Variants in ARHGAP44 observed in about 807,000 individuals in gnomAD.
The protein encoded by ARHGAP44 is rho GTPase-activating protein 44.
Under a neutral mutation model 106.8 loss-of-function variants are expected in ARHGAP44, and 43 were observed. The observed-to-expected ratio is 0.40, with a 90% CI of 0.32 to 0.52. The LOEUF (loss-of-function observed/expected upper bound fraction) is 0.52. Ranked by LOEUF, ARHGAP44 falls within the 20% of genes least tolerant of loss-of-function variation. ARHGAP44 has a pLI of 0.48. For synonymous variants in ARHGAP44, 439 were observed against 410.3 expected (o/e 1.07, Z -0.85); for missense variants, 866 against 1,050.5 (o/e 0.82, Z 2.43).
intron 5 of ARHGAP44, among the ~76,000 whole-genome samples, chr17:12,917,783 C>T (rs2037961722): frequency 6.6e-6 from 1 of 152,074 alleles, no homozygotes; most frequent in Non-Finnish European, 1.5e-5. Flanking sequence ...AGCACCAGTG[C>T]GATTCAGGAA....
intron 1 of ARHGAP44, among the ~76,000 whole-genome samples, chr17:12,869,043 G>T (rs1323780030): frequency 6.6e-6 from 1 of 152,084 alleles, no homozygotes; most frequent in African/African-American, 2.4e-5. Flanking sequence ...TAAGGGTTTG[G>T]TATAATAAAA....
rs1349841007 is a variant in ARHGAP44, at chr17:12,850,103, T to C, written c.54-44837T>C. ...TGACATATAAAGACTTGTCAAAGGA[T>C]AGCTCAAGTATACCTAGAAAATGAT... On this transcript the variant is annotated intron_variant, in intron 1 of 20. Coordinates refer to ENST00000379672, the MANE Select transcript of ARHGAP44 (RefSeq NM_014859.6). Among the ~76,000 whole-genome samples the C allele has an allele frequency of 2.6e-5, 4 of 152,322 alleles. 1 individual carries two copies. Among genetic ancestry groups the C allele is most frequent in the African/African-American group, 2.4e-5 (1 of 41,576 alleles).
At chr17:12,878,554 G>A (rs1299954540) in intron 1 of ARHGAP44, among the ~76,000 whole-genome samples, 1 of 148,908 alleles carries the variant, frequency 6.7e-6, no homozygotes, top group East Asian at 1.9e-4. Flanking sequence ...CCTTGATGAT[G>A]AATAATGATC....
At chr17:12,838,483 A>G (rs1354991197) in intron 1 of ARHGAP44, among the ~76,000 whole-genome samples, 1 of 152,090 alleles carries the variant, frequency 6.6e-6, no homozygotes, top group Non-Finnish European at 1.5e-5. Context: ...GATTTTCCAC[A>G]CTAGAAATCA....
chr17:12,817,782 C>T (rs902271947), intron 1 of ARHGAP44, among the ~76,000 whole-genome samples: 2 of 151,992 alleles, frequency 1.3e-5, no homozygotes, highest in African/African-American at 4.8e-5. Flanking sequence ...AATATACCAA[C>T]TCCTTGAAAA....
At chr17:12,858,657 A>G (rs942333928) in intron 1 of ARHGAP44, among the ~76,000 whole-genome samples, 9 of 152,222 alleles carry the variant, frequency 5.9e-5, no homozygotes, top group African/African-American at 2.2e-4. Context: ...CTAATCCCCC[A>G]GTATCTGTGG....
chr17:12,972,185 G>T (rs1180778761), intron 16 of ARHGAP44, among the ~76,000 whole-genome samples: 1 of 152,148 alleles, frequency 6.6e-6, no homozygotes, highest in African/African-American at 2.4e-5. Flanking sequence ...TGCTGGTTGG[G>T]AGTATATGTT....
chr17:12,805,814 G>A (rs1481647721), intron 1 of ARHGAP44, among the ~76,000 whole-genome samples: 3 of 152,214 alleles, frequency 2.0e-5, no homozygotes, highest in Non-Finnish European at 4.4e-5. Flanking sequence ...GCAGGACTAG[G>A]CAGAGGGAGT....
At chr17:12,858,002 C>T (rs1358708259) in intron 1 of ARHGAP44, among the ~76,000 whole-genome samples, 1 of 152,052 alleles carries the variant, frequency 6.6e-6, no homozygotes, top group Non-Finnish European at 1.5e-5. Context: ...CCCCTTACCA[C>T]TGATACTCTT....
intron 1 of ARHGAP44, among the ~76,000 whole-genome samples, chr17:12,826,212 T>C (rs1288840129): frequency 6.6e-6 from 1 of 152,222 alleles, no homozygotes. Flanking sequence ...GTATTTTTCT[T>C]GATCCTCTCC....
intron 1 of ARHGAP44, among the ~76,000 whole-genome samples, chr17:12,892,541 T>A (rs1228868198): frequency 2.6e-5 from 4 of 152,144 alleles, no homozygotes; most frequent in Non-Finnish European, 4.4e-5. Flanking sequence ...TATCTTTTTT[T>A]AACTTTTTTA....
intron 1 of ARHGAP44, among the ~76,000 whole-genome samples, chr17:12,890,815 C>A (rs1286639990): frequency 6.6e-6 from 1 of 152,142 alleles, no homozygotes; most frequent in African/African-American, 2.4e-5. Context: ...TTGCATCTTA[C>A]TGTATGCAGT....
At chr17:12,792,837 C>T (rs1342728944) in intron 1 of ARHGAP44, among the ~76,000 whole-genome samples, 4 of 152,140 alleles carry the variant, frequency 2.6e-5, no homozygotes, top group Non-Finnish European at 4.4e-5. Flanking sequence ...TACTTTCTCT[C>T]GAAGTGCTCA....
At chr17:12,944,715 C>A (rs1329587557) in intron 10 of ARHGAP44, among the ~76,000 whole-genome samples, 1 of 151,022 alleles carries the variant, frequency 6.6e-6, no homozygotes, top group African/African-American at 2.4e-5. Context: ...GGTCTCGATC[C>A]CTTGACCTTG....
At chr17:12,878,196 G>A (rs1387082770) in intron 1 of ARHGAP44, among the ~76,000 whole-genome samples, 1 of 151,914 alleles carries the variant, frequency 6.6e-6, no homozygotes, top group Non-Finnish European at 1.5e-5. Flanking sequence ...ATTGTATTCA[G>A]TGTTTCTCTA....
chr17:12,821,862 T>G (rs1288410673), intron 1 of ARHGAP44, among the ~76,000 whole-genome samples: 1 of 152,168 alleles, frequency 6.6e-6, no homozygotes, highest in Admixed American at 6.5e-5. Flanking sequence ...TAGGGAAAGG[T>G]AAGTAGTCTA....
chr17:12,869,104 G>A (rs112727225), intron 1 of ARHGAP44, among the ~76,000 whole-genome samples: 4 of 152,266 alleles, frequency 2.6e-5, no homozygotes, highest in African/African-American at 9.6e-5. Flanking sequence ...AAAGTTTTAA[G>A]CCTGGGGCTC....
intron 1 of ARHGAP44, among the ~76,000 whole-genome samples, chr17:12,795,337 C>G (rs1053320089): frequency 1.3e-5 from 2 of 152,192 alleles, no homozygotes; most frequent in Admixed American, 6.5e-5. Context: ...TTCTAAGATC[C>G]TCACTGTGTG....
At chr17:12,883,197 C>G (rs2036788207) in intron 1 of ARHGAP44, among the ~76,000 whole-genome samples, 3 of 150,690 alleles carry the variant, frequency 2.0e-5, no homozygotes, top group Admixed American at 1.3e-4. Flanking sequence ...AAAACTTGCT[C>G]ACAAATGTTA....
Sources: gnomAD v4.1 joint callset for allele counts (sites outside exome capture counted in the v4.1 genomes callset) on GRCh38, gnomAD v4.1.1 for gene constraint, MANE v1.5 for transcripts, NCBI Gene and HGNC (gene_info 2026-07-23, HGNC 2026-07-21) for gene names.